KCNQ3: variants seen among roughly 807,000 people sequenced by gnomAD.
KCNQ3 encodes the protein potassium voltage-gated channel subfamily KQT member 3.
A neutral mutation model predicts 92.5 loss-of-function variants in KCNQ3; 30 were observed. The observed-to-expected ratio is 0.32, with a 90% CI of 0.24 to 0.44. KCNQ3 has a LOEUF of 0.44. KCNQ3 is among the 20% of genes least tolerant of loss of function. KCNQ3 has a pLI of 1.00. For synonymous variants in KCNQ3, 450 were observed against 468.8 expected (o/e 0.96, Z 0.52); for missense variants, 913 against 1,140.3 (o/e 0.80, Z 2.87).
chr8:132,308,216 C>T (rs775008507), intron 1 of KCNQ3, among the ~76,000 whole-genome samples: 1 of 152,166 alleles, frequency 6.6e-6, no homozygotes, highest in Non-Finnish European at 1.5e-5. Flanking sequence ...GAGTCTAGGT[C>T]CCTCTCCTCC....
intron 1 of KCNQ3, among the ~76,000 whole-genome samples, chr8:132,270,739 CAGAATATTTTTAT>C (rs1351931954): frequency 6.6e-6 from 1 of 152,164 alleles, no homozygotes; most frequent in Non-Finnish European, 1.5e-5. Flanking sequence ...GGTTTTGTTA[CAGAATATTTTTAT>C]AGAATATTTC....
intron 1 of KCNQ3, chr8:132,186,496 C>T: frequency 5.3e-6 from 2 of 378,892 alleles, no homozygotes; most frequent in South Asian, 4.3e-5. Flanking sequence ...TGCTGAAAGT[C>T]CAAAAGTCAA....
Position 132,189,907 on chromosome 8 carries a change from A to AAAAAAG in KCNQ3, c.387-3727_387-3726insCTTTTT, listed in dbSNP as rs1480816124. Among the ~76,000 whole-genome samples, 909 of 131,868 alleles carry AAAAAAG rather than the reference A, an allele frequency of 6.9e-3. 5 individuals are homozygous for AAAAAAG. The highest frequency in any genetic ancestry group is 0.03 in the African/African-American group (843 of 28,472). The allele number at this position is 131,868 out of a possible 152,430, so 86.5% of individuals were successfully genotyped here. A position where few individuals can be genotyped will look rare whatever the true frequency, so the allele number is the denominator to read the frequency against. On this transcript the variant is annotated intron_variant, in intron 1 of 14. Transcript: ENST00000388996. ...AATGACCAAAAAAAAAAAAAAAAAA[A>AAAAAAG]AGAGAGAGAGAGAGAGAAGAGGATA...
At position 132,174,367 on chromosome 8, in the gene KCNQ3, C is replaced by A. The variant is rs1270839743; in HGVS notation, c.934-18G>T. The A allele has an allele frequency of 6.6e-7, 1 of 1,522,276 alleles. No individual in the cohort carries two copies. Among genetic ancestry groups the A allele is most frequent in the African/African-American group, 1.4e-5 (1 of 72,506 alleles). 94.3% of individuals were successfully genotyped at this position (1,522,276 alleles called of 1,614,324 possible). On this transcript the variant is annotated intron_variant, in intron 5 of 14. Transcript: ENST00000388996. ...AGTGTGATCTGAAGAGAGAAGAGTT[C>A]AGACATGGAGTACCACATGGAGAGG...
intron 1 of KCNQ3, among the ~76,000 whole-genome samples, chr8:132,304,667 C>T (rs1192750889): frequency 6.6e-6 from 1 of 152,148 alleles, no homozygotes; most frequent in African/African-American, 2.4e-5. Context: ...CCATATTGGA[C>T]AGTGCAGCTT....
intron 1 of KCNQ3, among the ~76,000 whole-genome samples, chr8:132,263,737 G>T (rs1162221796): frequency 6.6e-6 from 1 of 152,194 alleles, no homozygotes; most frequent in Non-Finnish European, 1.5e-5. Flanking sequence ...CTTCATGAGT[G>T]GCTCAGGTTA....
At chr8:132,316,634 C>T (rs982409039) in intron 1 of KCNQ3, among the ~76,000 whole-genome samples, 49 of 152,224 alleles carry the variant, frequency 3.2e-4, no homozygotes, top group Non-Finnish European at 2.8e-4. Flanking sequence ...TCAAGTGCTG[C>T]TGCAGACCAG....
chr8:132,165,200 T>A (rs1826108629), intron 8 of KCNQ3, among the ~76,000 whole-genome samples: 1 of 152,184 alleles, frequency 6.6e-6, no homozygotes, highest in Non-Finnish European at 1.5e-5. Context: ...TGTCCAGTAC[T>A]CCACTGAGAT....
At chr8:132,158,015 C>T (rs1293075157) in intron 9 of KCNQ3, among the ~76,000 whole-genome samples, 4 of 152,174 alleles carry the variant, frequency 2.6e-5, no homozygotes, top group Non-Finnish European at 5.9e-5. Context: ...TAGCCCTCCA[C>T]ACCCCATTAT....
chr8:132,253,640 T>C (rs969625007), intron 1 of KCNQ3, among the ~76,000 whole-genome samples: 1 of 152,248 alleles, frequency 6.6e-6, no homozygotes, highest in Non-Finnish European at 1.5e-5. Flanking sequence ...CTCTGCTTTA[T>C]ACATTTATTC....
intron 1 of KCNQ3, among the ~76,000 whole-genome samples, chr8:132,365,159 T>C (rs1431424992): frequency 6.6e-6 from 1 of 152,208 alleles, no homozygotes; most frequent in Non-Finnish European, 1.5e-5. Flanking sequence ...GAGTCAAGCA[T>C]GAAGACTAGC....
intron 8 of KCNQ3, among the ~76,000 whole-genome samples, chr8:132,166,805 T>C (rs1372453673): frequency 6.6e-6 from 1 of 152,200 alleles, no homozygotes; most frequent in Admixed American, 6.5e-5. Context: ...ATGTTGCAGA[T>C]GGGCTACGCA....
At chr8:132,452,423 T>C (rs986023053) in intron 1 of KCNQ3, among the ~76,000 whole-genome samples, 1 of 152,190 alleles carries the variant, frequency 6.6e-6, no homozygotes, top group Admixed American at 6.5e-5. Flanking sequence ...GTGTCAGAAA[T>C]GCTTTCATTT....
chr8:132,249,203 A>G (rs1366073532), intron 1 of KCNQ3, among the ~76,000 whole-genome samples: 1 of 152,194 alleles, frequency 6.6e-6, no homozygotes, highest in Non-Finnish European at 1.5e-5. Context: ...ACAGTGCAGA[A>G]GGGGACCCAA....
chr8:132,451,854 G>A (rs1239094650), intron 1 of KCNQ3, among the ~76,000 whole-genome samples: 1 of 152,204 alleles, frequency 6.6e-6, no homozygotes, highest in African/African-American at 2.4e-5. Flanking sequence ...GAGAGGACAA[G>A]CTTGGATGTT....
intron 4 of KCNQ3, 143 bp downstream of exon 4, chr8:132,180,011 TCTC>T: frequency 5.3e-6 from 5 of 950,752 alleles, no homozygotes; most frequent in South Asian, 1.4e-5. Flanking sequence ...ACTTCCTGTT[TCTC>T]CTCCTCCTCT....
At chr8:132,473,457 G>C (rs933130719) in intron 1 of KCNQ3, among the ~76,000 whole-genome samples, 2 of 152,204 alleles carry the variant, frequency 1.3e-5, no homozygotes, top group Non-Finnish European at 2.9e-5. Context: ...GTTGTCATTA[G>C]AGTATATGTT....
chr8:132,311,556 A>C (rs189481924), intron 1 of KCNQ3, among the ~76,000 whole-genome samples: 16 of 152,338 alleles, frequency 1.1e-4, no homozygotes, highest in African/African-American at 3.8e-4. Context: ...CTCCTAACTT[A>C]CAAACACCCT....
At chr8:132,379,547 T>C (rs1332808665) in intron 1 of KCNQ3, among the ~76,000 whole-genome samples, 2 of 152,184 alleles carry the variant, frequency 1.3e-5, no homozygotes, top group Admixed American at 6.5e-5. Flanking sequence ...GAGGTCTTTT[T>C]CCCTCTTCCC....
Sources: allele counts gnomAD v4.1 joint callset (sites outside exome capture counted in the v4.1 genomes callset), GRCh38; gene constraint gnomAD v4.1.1; transcripts MANE v1.5; gene names NCBI Gene and HGNC (gene_info 2026-07-23, HGNC 2026-07-21).